The following CLEC2L variants were observed in gnomAD, a reference collection of about 807,000 sequenced individuals.
The protein encoded by CLEC2L is C-type lectin domain family 2 member L, also known as C-type lectin domain family 2, member L.
A neutral mutation model predicts 23.6 loss-of-function variants in CLEC2L; 14 were observed. The observed-to-expected ratio is 0.59, with a 90% confidence interval of 0.39 to 0.93. The LOEUF (loss-of-function observed/expected upper bound fraction) is 0.93. Ranked by LOEUF, CLEC2L falls within the 40% of genes least tolerant of loss-of-function variation. CLEC2L has a pLI of 0.00. For missense variants in CLEC2L, 264 were observed against 282.4 expected (o/e 0.93, Z 0.47); for synonymous variants, 114 against 121.3 (o/e 0.94, Z 0.40).
At position 139,523,986 on chromosome 7, in the gene CLEC2L, G is replaced by A. The variant is rs553916675; in HGVS notation, c.59G>A (p.Arg20His). ...RARPPPPLAA[R>H]PAPAPAAPRP... Reference sequence around the variant, plus strand: ...CGGCCGCCGCCGCCCCTCGCCGCGCGCCCCGCGCCCGCCCCCGCCGCCCCC... The same window carrying A: ...CGGCCGCCGCCGCCCCTCGCCGCGCACCCCGCGCCCGCCCCCGCCGCCCCC... Residue 20 changes from arginine (R) to histidine (H), a missense_variant, in exon 1 of 5, where the codon CGC becomes CAC. Coordinates refer to ENST00000422142, the MANE Select transcript of CLEC2L (RefSeq NM_001080511.4). The surrounding 1 kb of genome is among the most constrained non-coding windows in gnomAD (Gnocchi z 4.1). 9,073 of 990,580 alleles carry A rather than the reference G, an allele frequency of 9.2e-3. 46 individuals are homozygous for A. The highest frequency in any genetic ancestry group is 0.01 in the Non-Finnish European group (8,548 of 832,366). The allele number at this position is 990,580 out of a possible 1,614,324, so 61.4% of individuals were successfully genotyped here. A position where few individuals can be genotyped will look rare whatever the true frequency, so the allele number is the denominator to read the frequency against.
chr7:139,538,654 C>T (rs575545466), intron 2 of CLEC2L, among the ~76,000 whole-genome samples: 3 of 151,992 alleles, frequency 2.0e-5, no homozygotes, highest in Admixed American at 6.6e-5. Context: ...GAGGCTGAGG[C>T]GGGAGAATTG....
intron 1 of CLEC2L, among the ~76,000 whole-genome samples, chr7:139,526,603 G>A (rs2116542321): frequency 6.6e-6 from 1 of 152,342 alleles, no homozygotes; most frequent in Non-Finnish European, 1.5e-5. Context: ...GTGGGGAGGT[G>A]CAGGAAGCAG....
Position 139,536,305 on chromosome 7 carries a change from C to A in CLEC2L, c.222C>A (p.Ile74=). ...DTTTRLLLGA[I]AVLLFAILVV... is the part of the protein sequence containing the mutation. Reference sequence around the variant, plus strand: ...CCACACGCCTCCTGCTGGGTGCCATCGCGGTCCTTCTGTTCGCCATCTTGG... The same window carrying A: ...CCACACGCCTCCTGCTGGGTGCCATAGCGGTCCTTCTGTTCGCCATCTTGG... Residue 74 remains isoleucine (I), a synonymous_variant, in exon 2 of 5, where the codon ATC becomes ATA. Coordinates refer to ENST00000422142, the MANE Select transcript of CLEC2L (RefSeq NM_001080511.4). The A allele has an allele frequency of 5.8e-6, 9 of 1,551,474 alleles. No individual in the cohort carries two copies. Among genetic ancestry groups the A allele is most frequent in the Non-Finnish European group, 7.8e-6 (9 of 1,146,860 alleles).
intron 1 of CLEC2L, among the ~76,000 whole-genome samples, chr7:139,534,960 G>GT (rs1046018777): frequency 2.0e-4 from 27 of 137,570 alleles, no homozygotes; most frequent in Non-Finnish European, 3.3e-4. Context: ...GTGTTCTTTA[G>GT]TAAAAAAAAA....
At chr7:139,538,442 A>C (rs1378700602) in intron 2 of CLEC2L, among the ~76,000 whole-genome samples, 2 of 146,630 alleles carry the variant, frequency 1.4e-5, no homozygotes, top group East Asian at 2.0e-4. Flanking sequence ...AAAAAAAAAA[A>C]ACAAAAAACA....
At chr7:139,533,938 AAAAC>A (rs1424767457) in intron 1 of CLEC2L, among the ~76,000 whole-genome samples, 1 of 152,248 alleles carries the variant, frequency 6.6e-6, no homozygotes, top group Non-Finnish European at 1.5e-5. Context: ...ATTGACTAAA[AAAAC>A]ACTTTCAAAG....
In CLEC2L at chr7:139,539,100, G is replaced by A. The variant is rs1797700383; in HGVS notation, c.266-1221G>A. 6.6e-6 allele frequency: 1 copy of A among 152,192 alleles called. No homozygotes were observed. Among genetic ancestry groups the A allele is most frequent in the African/African-American group, 2.4e-5 (1 of 41,448 alleles). 9.4% of individuals were successfully genotyped at this position (152,192 alleles called of 1,614,324 possible). A position where few individuals can be genotyped will look rare whatever the true frequency, so the allele number is the denominator to read the frequency against. Reference sequence around the variant, plus strand: ...CCAGGGGCTTGAGTACCAGAGGCCTGTTCTTGGCTCTGTCCTGGTCTACAT... The same window carrying A: ...CCAGGGGCTTGAGTACCAGAGGCCTATTCTTGGCTCTGTCCTGGTCTACAT... On this transcript the variant is annotated intron_variant, in intron 2 of 4. Transcript: ENST00000422142. This position sits in a 1 kb window ranked among gnomAD's most constrained non-coding sequence, Gnocchi z 4.1.
rs1052480682 is a variant in CLEC2L, at chr7:139,523,982, GCGCGCCC to G, written c.63_69del (p.Ala22ProfsTer61). ...GGCCCGGCCGCCGCCGCCCCTCGCCGCGCGCCCCGCGCCCGCCCCCGCCGCCCCCAGG... is the reference window on the plus strand; with the variant it reads ...GGCCCGGCCGCCGCCGCCCCTCGCCGCGCGCCCGCCCCCGCCGCCCCCAGG... On this transcript the variant is annotated frameshift_variant, in exon 1 of 5. Coordinates refer to ENST00000422142, the MANE Select transcript of CLEC2L (RefSeq NM_001080511.4). LOFTEE classifies it high-confidence loss of function. The surrounding 1 kb of genome is among the most constrained non-coding windows in gnomAD (Gnocchi z 4.1). 116 of 980,204 alleles carry G rather than the reference GCGCGCCC, an allele frequency of 1.2e-4. No homozygotes were observed. The highest frequency in any genetic ancestry group is 1.3e-4 in the Non-Finnish European group (111 of 825,590). The allele number at this position is 980,204 out of a possible 1,614,324, so 60.7% of individuals were successfully genotyped here.
At chr7:139,533,218 A>G (rs1028345382) in intron 1 of CLEC2L, among the ~76,000 whole-genome samples, 21 of 152,216 alleles carry the variant, frequency 1.4e-4, no homozygotes, top group Non-Finnish European at 1.3e-4. Flanking sequence ...ATGGAAAATG[A>G]ATAAATTATA....
At chr7:139,530,955 A>T (rs149407874) in intron 1 of CLEC2L, among the ~76,000 whole-genome samples, 113 of 152,220 alleles carry the variant, frequency 7.4e-4, no homozygotes, top group African/African-American at 2.6e-3. Context: ...TCCTGGGGAG[A>T]AAACAGAAAA....
At chr7:139,528,695 G>A (rs531094580) in intron 1 of CLEC2L, among the ~76,000 whole-genome samples, 3 of 152,104 alleles carry the variant, frequency 2.0e-5, no homozygotes, top group Admixed American at 6.6e-5. Context: ...ATAGTTGAAC[G>A]ACATAAGACA....
Position 139,523,831 on chromosome 7 carries a change from GGGGGGC to G in CLEC2L, c.-96_-91del. On this transcript the variant is annotated 5_prime_UTR_variant, in exon 1 of 5. Transcript: ENST00000422142. This position sits in a 1 kb window ranked among gnomAD's most constrained non-coding sequence, Gnocchi z 4.1. ...GTCCTAGCCCACCCGAGGCCGGCCT[GGGGGGC>G]CCGCAGGGCGCGCGGAGCGCCGAGT... The G allele has an allele frequency of 3.6e-6, 3 of 831,210 alleles. No individual in the cohort carries two copies. The highest frequency in any genetic ancestry group is 4.3e-6 in the Non-Finnish European group (3 of 691,590). The allele number at this position is 831,210 out of a possible 1,614,324, so 51.5% of individuals were successfully genotyped here.
chr7:139,533,519 TTAATTTCTG>T (rs1160393526), intron 1 of CLEC2L, among the ~76,000 whole-genome samples: 1 of 152,116 alleles, frequency 6.6e-6, no homozygotes, highest in African/African-American at 2.4e-5. Flanking sequence ...CCACACCCGG[TTAATTTCTG>T]TAATTTCTGT....
At chr7:139,537,730 C>A (rs1054216116) in intron 2 of CLEC2L, among the ~76,000 whole-genome samples, 2 of 152,124 alleles carry the variant, frequency 1.3e-5, no homozygotes, top group South Asian at 2.1e-4. Context: ...GAATTGCCTT[C>A]GGCTTAAAAT....
In CLEC2L at chr7:139,540,606, C is replaced by T. The variant is rs1223546641; in HGVS notation, c.432+119C>T. On this transcript the variant is annotated intron_variant, in intron 3 of 4. Transcript: ENST00000422142. This position sits in a 1 kb window ranked among gnomAD's most constrained non-coding sequence, Gnocchi z 5.8. ...GTTCCCTGTGACACGTCTCCAAAGC[C>T]GCCCACCTGCTGCATAACCACTTGG... 31 of 1,181,992 alleles carry T rather than the reference C, an allele frequency of 2.6e-5. No homozygotes were observed. Among genetic ancestry groups the T allele is most frequent in the East Asian group, 1.0e-4 (4 of 38,934 alleles). The allele number at this position is 1,181,992 out of a possible 1,614,324, so 73.2% of individuals were successfully genotyped here. A position where few individuals can be genotyped will look rare whatever the true frequency, so the allele number is the denominator to read the frequency against.
At chr7:139,542,543 C>T (rs1002031356) in intron 4 of CLEC2L, among the ~76,000 whole-genome samples, 1 of 152,178 alleles carries the variant, frequency 6.6e-6, no homozygotes, top group African/African-American at 2.4e-5. Context: ...CACCTGGCCG[C>T]AAGGGAGGAT....
At chr7:139,525,672 C>T (rs1047785235) in intron 1 of CLEC2L, among the ~76,000 whole-genome samples, 1 of 152,148 alleles carries the variant, frequency 6.6e-6, no homozygotes, top group Admixed American at 6.5e-5. Context: ...TTCATTTATT[C>T]GTCAGCATTT....
Position 139,544,420 on chromosome 7 carries a change from G to T in CLEC2L, c.*78G>T. The T allele has an allele frequency of 9.4e-7, 1 of 1,059,234 alleles. No individual in the cohort carries two copies. The highest frequency in any genetic ancestry group is 2.1e-5 in the Admixed American group (1 of 48,698). 65.6% of individuals were successfully genotyped at this position (1,059,234 alleles called of 1,614,324 possible). A position where few individuals can be genotyped will look rare whatever the true frequency, so the allele number is the denominator to read the frequency against. ...TGTCTGCTCAAGACCTGCTTCCAGC[G>T]GAGCCGCCTGCCCTCTGCAAGGCGA... On this transcript the variant is annotated 3_prime_UTR_variant, in exon 5 of 5. Transcript: ENST00000422142.
intron 1 of CLEC2L, among the ~76,000 whole-genome samples, chr7:139,529,396 A>C (rs1301725455): frequency 6.6e-6 from 1 of 152,222 alleles, no homozygotes; most frequent in Admixed American, 6.5e-5. Flanking sequence ...AACCCAGGCA[A>C]AGTGATGTCA....
Sources: allele counts gnomAD v4.1 joint callset (sites outside exome capture counted in the v4.1 genomes callset), GRCh38; gene constraint gnomAD v4.1.1; non-coding constraint Gnocchi (gnomAD v3.1); transcripts MANE v1.5; gene names NCBI Gene and HGNC (gene_info 2026-07-23, HGNC 2026-07-21).